ANO6: variants seen among roughly 807,000 people sequenced by gnomAD.
ANO6 encodes the protein anoctamin-6.
A neutral mutation model predicts 117.5 loss-of-function variants in ANO6; 106 were observed. The ratio of observed to expected loss-of-function variants is 0.90; its 90% CI spans 0.77 to 1.06. The LOEUF (loss-of-function observed/expected upper bound fraction) is 1.06. ANO6 is among the 50% of genes least tolerant of loss of function. The probability of loss-of-function intolerance (pLI) is 0.00; values close to 1 mark genes in which losing one functional copy is unlikely to be tolerated. For missense variants in ANO6, 955 were observed against 1,121.1 expected (o/e 0.85, Z 2.12); for synonymous variants, 367 against 385.1 (o/e 0.95, Z 0.55).
chr12:45,349,787 T>G (rs1941234638), intron 6 of ANO6, among the ~76,000 whole-genome samples: 1 of 152,218 alleles, frequency 6.6e-6, no homozygotes, highest in Non-Finnish European at 1.5e-5. Context: ...AGAGTCCATG[T>G]GTTTTACTTT....
At chr12:45,379,128 T>A (rs1942105529) in intron 10 of ANO6, among the ~76,000 whole-genome samples, 1 of 152,180 alleles carries the variant, frequency 6.6e-6, no homozygotes, top group Admixed American at 6.5e-5. Context: ...ACAACAGAAT[T>A]CAGGTTATAG....
intron 3 of ANO6, among the ~76,000 whole-genome samples, chr12:45,341,527 T>C (rs1235020196): frequency 6.6e-6 from 1 of 152,220 alleles, no homozygotes; most frequent in African/African-American, 2.4e-5. Context: ...ATCAGTGACC[T>C]ACCTTATAAT....
At position 45,348,084 on chromosome 12, in the gene ANO6, T is replaced by C. The variant is rs989360857; in HGVS notation, c.402T>C (p.Cys134=). 5.0e-6 allele frequency: 8 copies of C among 1,614,002 alleles called. No homozygotes were observed. The highest frequency in any genetic ancestry group is 1.3e-5 in the African/African-American group (1 of 74,932). The change falls in exon 5 of 20, where the codon TGT becomes TGC. Residue 134 remains cysteine (C), a synonymous_variant. Coordinates refer to ENST00000320560, the MANE Select transcript of ANO6 (RefSeq NM_001025356.3). The part of the protein sequence containing the change: ...VKVHAPWEVL[C]TYAEIMHIKL... ...TACACGCACCATGGGAGGTGTTATG[T>C]ACGTATGCTGAGATAATGCACATCA...
intron 1 of ANO6, among the ~76,000 whole-genome samples, chr12:45,283,140 A>G (rs907947204): frequency 6.6e-6 from 1 of 152,196 alleles, no homozygotes; most frequent in African/African-American, 2.4e-5. Flanking sequence ...ATGCATATTT[A>G]TATTTTTCCA....
At chr12:45,358,285 C>T (rs1013843749) in intron 8 of ANO6, among the ~76,000 whole-genome samples, 6 of 152,210 alleles carry the variant, frequency 3.9e-5, no homozygotes, top group East Asian at 3.8e-4. Context: ...GACATAATTA[C>T]GCTTCGATTT....
intron 1 of ANO6, among the ~76,000 whole-genome samples, chr12:45,301,636 A>G (rs1387254216): frequency 6.6e-6 from 1 of 151,884 alleles, no homozygotes; most frequent in Non-Finnish European, 1.5e-5. Context: ...AAAAAAAGAA[A>G]AAGAAGATTG....
rs146500373 is a variant in ANO6, at chr12:45,357,330, C to T, written c.904C>T (p.Leu302=). The change falls in exon 8 of 20, where the codon CTG becomes TTG. Residue 302 remains leucine, a synonymous_variant. Coordinates refer to ENST00000320560, the MANE Select transcript of ANO6 (RefSeq NM_001025356.3). ...GEKIGIYFAW[L]GYYTQMLLLA... ...GAAGATTGGAATCTACTTTGCTTGG[C>T]TGGGCTATTACACTCAGATGCTTCT... 1.7e-5 allele frequency: 28 copies of T among 1,613,872 alleles called. No homozygotes were observed. The highest frequency in any genetic ancestry group is 2.2e-5 in the Non-Finnish European group (26 of 1,179,974).
intron 10 of ANO6, among the ~76,000 whole-genome samples, chr12:45,385,859 C>T (rs1183445918): frequency 6.6e-6 from 1 of 152,154 alleles, no homozygotes; most frequent in Non-Finnish European, 1.5e-5. Flanking sequence ...AAAACAAACA[C>T]TGCTAGGAAG....
At chr12:45,322,285 A>G (rs1232682004) in intron 2 of ANO6, among the ~76,000 whole-genome samples, 5 of 29,890 alleles carry the variant, frequency 1.7e-4, no homozygotes. Flanking sequence ...AGGAGAGTTA[A>G]GATTTGGATA....
intron 1 of ANO6, among the ~76,000 whole-genome samples, chr12:45,283,156 G>A (rs79648975): frequency 0.052 from 7,968 of 152,230 alleles, 695 homozygotes; most frequent in African/African-American, 0.18. Context: ...TTCCAAATGT[G>A]TACAGGAATT....
intron 2 of ANO6, among the ~76,000 whole-genome samples, chr12:45,320,739 T>A (rs1434094060): frequency 6.6e-6 from 1 of 152,142 alleles, no homozygotes; most frequent in Non-Finnish European, 1.5e-5. Context: ...CCCATTATTA[T>A]TGTGTGGGTG....
chr12:45,322,765 A>G (rs941538227), intron 2 of ANO6, among the ~76,000 whole-genome samples: 1 of 152,168 alleles, frequency 6.6e-6, no homozygotes, highest in Non-Finnish European at 1.5e-5. Flanking sequence ...GAAAAAGTCA[A>G]AGGTCACCTA....
intron 19 of ANO6, among the ~76,000 whole-genome samples, chr12:45,424,327 G>GTTTTTTTGT (rs1943440070): frequency 2.5e-5 from 2 of 81,240 alleles, no homozygotes; most frequent in African/African-American, 9.9e-5. Flanking sequence ...TAGGTGATGG[G>GTTTTTTTGT]TTTTTTTTTT....
chr12:45,375,274 A>G (rs1185689514), intron 9 of ANO6, among the ~76,000 whole-genome samples: 2 of 152,208 alleles, frequency 1.3e-5, no homozygotes, highest in African/African-American at 4.8e-5. Context: ...AAATGGCCAT[A>G]CTTCCCAAGG....
intron 12 of ANO6, 42 bp from the exon 13 acceptor site, chr12:45,401,753 T>G (rs948602857): frequency 3.4e-5 from 51 of 1,501,464 alleles, no homozygotes; most frequent in Non-Finnish European, 4.5e-5. Context: ...ACAAGTGCAG[T>G]TATTGGTGAG....
chr12:45,352,407 T>A lies in ANO6; in HGVS notation c.863+1633T>A, dbSNP rs1240468552. 1.3e-5 allele frequency among the ~76,000 whole-genome samples: 2 copies of A among 151,888 alleles called. 1 individual carries two copies. The highest frequency in any genetic ancestry group is 2.9e-5 in the Non-Finnish European group (2 of 67,976). On this transcript the variant is annotated intron_variant, in intron 7 of 19. Transcript: ENST00000320560. ...AGCTTCTATTTCTAAATAAGGTGTC[T>A]CTTAAACATAACCAGAATACCCCCT...
chr12:45,234,186 A>G (rs943654283), intron 1 of ANO6, among the ~76,000 whole-genome samples: 2 of 152,200 alleles, frequency 1.3e-5, no homozygotes, highest in Non-Finnish European at 2.9e-5. Flanking sequence ...ATGTGTGAGG[A>G]AAATTCACTC....
chr12:45,425,927 C>T (rs1353945215), intron 19 of ANO6, among the ~76,000 whole-genome samples: 1 of 152,190 alleles, frequency 6.6e-6, no homozygotes, highest in East Asian at 1.9e-4. Context: ...TAAGTCCTCA[C>T]TTAACATCCT....
chr12:45,313,627 GTTC>G (rs998304734), intron 2 of ANO6: 23 of 151,932 alleles, frequency 1.5e-4, no homozygotes, highest in Non-Finnish European at 2.4e-4. Context: ...AATTAGTTCT[GTTC>G]TTCTTAGAAG....
Sources: allele counts gnomAD v4.1 joint callset (sites outside exome capture counted in the v4.1 genomes callset), GRCh38; gene constraint gnomAD v4.1.1; transcripts MANE v1.5; gene names NCBI Gene and HGNC (gene_info 2026-07-23, HGNC 2026-07-21).